Variants in IL1RAPL2 observed in about 807,000 individuals in gnomAD.
The protein encoded by IL1RAPL2 is X-linked interleukin-1 receptor accessory protein-like 2.
Under a neutral mutation model 44.1 loss-of-function variants are expected in IL1RAPL2, and 3 were observed. That is an observed-to-expected ratio of 0.07 (90% CI 0.03 to 0.18). The LOEUF is 0.18. Ranked by LOEUF, IL1RAPL2 falls within the 10% of genes least tolerant of loss-of-function variation. The pLI is 1.00. For missense variants in IL1RAPL2, 391 were observed against 496.4 expected (o/e 0.79, Z 2.02); for synonymous variants, 181 against 178.8 (o/e 1.01, Z -0.10).
At chrX:104,919,806 G>C (rs1389317401) in intron 2 of IL1RAPL2, among the ~76,000 whole-genome samples, 2 of 108,930 alleles carry the variant, frequency 1.8e-5, no homozygotes, top group South Asian at 8.1e-4. Context: ...CTCCCAATGT[G>C]CTGGGATTAC....
chrX:105,004,909 C>T (rs1259555902), intron 2 of IL1RAPL2, among the ~76,000 whole-genome samples: 1 of 110,811 alleles, frequency 9.0e-6, no homozygotes, highest in East Asian at 2.8e-4. Context: ...AAAATATCCC[C>T]GTCCCTCAGT....
chrX:104,663,089 C>A (rs955789965), intron 2 of IL1RAPL2, among the ~76,000 whole-genome samples: 4 of 111,928 alleles, frequency 3.6e-5, no homozygotes, highest in African/African-American at 1.3e-4. Flanking sequence ...TTGAAAGAAC[C>A]ACTCAGTTCC....
At chrX:104,867,265 A>G (rs1284689577) in intron 2 of IL1RAPL2, among the ~76,000 whole-genome samples, 1 of 107,252 alleles carries the variant, frequency 9.3e-6, no homozygotes. Flanking sequence ...AAAAAATTGT[A>G]TAGCCATGTA....
intron 5 of IL1RAPL2, among the ~76,000 whole-genome samples, chrX:105,310,118 AG>A (rs1268390524): frequency 5.4e-5 from 6 of 111,457 alleles, no homozygotes; most frequent in Non-Finnish European, 1.1e-4. Flanking sequence ...TTTTATGAGC[AG>A]GTTTTTGGAG....
chrX:105,372,472 T>C (rs917126168), intron 5 of IL1RAPL2, among the ~76,000 whole-genome samples: 2 of 110,151 alleles, frequency 1.8e-5, no homozygotes, highest in Admixed American at 1.9e-4. Flanking sequence ...AGCTTAAATG[T>C]GGGTTCCTAA....
intron 2 of IL1RAPL2, among the ~76,000 whole-genome samples, chrX:105,103,434 A>C (rs984139654): frequency 8.9e-6 from 1 of 111,911 alleles, no homozygotes; most frequent in Non-Finnish European, 1.9e-5. Flanking sequence ...TTGTAAACCT[A>C]TGCCGCCATC....
chrX:104,618,088 T>A (rs1929313951), intron 1 of IL1RAPL2, among the ~76,000 whole-genome samples: 2 of 112,086 alleles, frequency 1.8e-5, no homozygotes, highest in African/African-American at 3.2e-5. Context: ...CTGTAGAGAA[T>A]GCTGGGTAGG....
chrX:105,386,234 A>G (rs372490764), intron 5 of IL1RAPL2, among the ~76,000 whole-genome samples: 1 of 112,235 alleles, frequency 8.9e-6, no homozygotes. Flanking sequence ...AAACTTACAA[A>G]TGAAATATAA....
chrX:105,513,628 C>T (rs1353354382), intron 6 of IL1RAPL2, among the ~76,000 whole-genome samples: 1 of 110,884 alleles, frequency 9.0e-6, no homozygotes, highest in Non-Finnish European at 1.9e-5. Flanking sequence ...TTGTTTTTTT[C>T]TTGTAAATTT....
chrX:105,436,757 A>G (rs1302102832), intron 5 of IL1RAPL2, among the ~76,000 whole-genome samples: 1 of 110,447 alleles, frequency 9.1e-6, no homozygotes, highest in Admixed American at 9.8e-5. Flanking sequence ...CCTCCATTAC[A>G]TTACTGAAAT....
chrX:105,196,380 A>T (rs782693023), intron 3 of IL1RAPL2, among the ~76,000 whole-genome samples: 1 of 112,029 alleles, frequency 8.9e-6, no homozygotes, highest in East Asian at 2.8e-4. Context: ...TTTTGCATAC[A>T]GCTAGTTGAC....
intron 4 of IL1RAPL2, among the ~76,000 whole-genome samples, chrX:105,247,849 G>A (rs1477179596): frequency 9.1e-6 from 1 of 109,624 alleles, no homozygotes; most frequent in Non-Finnish European, 1.9e-5. Flanking sequence ...ATATGTGTAT[G>A]TGTGCATACA....
At chrX:105,000,305 A>C (rs1430009160) in intron 2 of IL1RAPL2, among the ~76,000 whole-genome samples, 1 of 111,845 alleles carries the variant, frequency 8.9e-6, no homozygotes, top group African/African-American at 3.2e-5. Flanking sequence ...TATAGCTCTA[A>C]ATTTTAAAAA....
At position 104,687,904 on chromosome X, in the gene IL1RAPL2, A is replaced by G. The variant is rs150335612; in HGVS notation, c.82+28909A>G. On this transcript the variant is annotated intron_variant, in intron 2 of 10. Coordinates refer to ENST00000372582, the MANE Select transcript of IL1RAPL2 (RefSeq NM_017416.2). The stretch of plus-strand genomic sequence containing the variant: ...CTTATCTTCTTGTAAACTCCTATCT[A>G]TGCTGCAGCCAGGTTCGTTCTAAAT... 7.4e-3 allele frequency among the ~76,000 whole-genome samples: 818 copies of G among 111,250 alleles called. 8 individuals are homozygous for G. The highest frequency in any genetic ancestry group is 0.025 in the African/African-American group (752 of 30,565).
In IL1RAPL2 at chrX:105,447,198, A is replaced by AAT. The variant is rs1202756755; in HGVS notation, c.698-37107_698-37106dup. Among the ~76,000 whole-genome samples the AAT allele has an allele frequency of 2.5e-3, 43 of 17,408 alleles. 3 individuals carry two copies. The African/African-American group carries it at 0.064, about 26-fold the overall frequency. 15.1% of individuals were successfully genotyped at this position (17,408 alleles called of 115,157 possible). A position where few individuals can be genotyped will look rare whatever the true frequency, so the allele number is the denominator to read the frequency against. ...ATATATATAAATATAAATATATATAAATATATATAAATATATATAAAATAT... is the reference window on the plus strand; with the variant it reads ...ATATATATAAATATAAATATATATAAATATATATATAAATATATATAAAATAT... On this transcript the variant is annotated intron_variant, in intron 5 of 10. Coordinates refer to ENST00000372582, the MANE Select transcript of IL1RAPL2 (RefSeq NM_017416.2).
intron 4 of IL1RAPL2, among the ~76,000 whole-genome samples, chrX:105,265,081 C>T (rs949417478): frequency 8.9e-6 from 1 of 111,764 alleles, no homozygotes; most frequent in African/African-American, 3.3e-5. Flanking sequence ...GGAAAAAAAG[C>T]AAAACAGTGA....
chrX:105,558,517 T>C (rs1476178939), intron 6 of IL1RAPL2, among the ~76,000 whole-genome samples: 1 of 111,815 alleles, frequency 8.9e-6, no homozygotes, highest in East Asian at 2.8e-4. Context: ...TTTTGTTCTT[T>C]AAGGCAAGGA....
intron 5 of IL1RAPL2, among the ~76,000 whole-genome samples, chrX:105,475,267 T>C (rs1009124663): frequency 2.7e-5 from 3 of 111,212 alleles, no homozygotes; most frequent in African/African-American, 9.8e-5. Flanking sequence ...TTTTCTGCCT[T>C]TCAGTTTCTT....
chrX:105,381,485 A>G (rs781108888), intron 5 of IL1RAPL2, among the ~76,000 whole-genome samples: 8 of 111,890 alleles, frequency 7.1e-5, no homozygotes, highest in African/African-American at 2.6e-4. Context: ...GCTTGCTCAC[A>G]CACTAAACAG....
Sources: allele counts gnomAD v4.1 joint callset (sites outside exome capture counted in the v4.1 genomes callset), GRCh38; gene constraint gnomAD v4.1.1; transcripts MANE v1.5; gene names NCBI Gene and HGNC (gene_info 2026-07-23, HGNC 2026-07-21).